Variants in TPR observed in about 807,000 individuals in gnomAD.
The protein encoded by TPR is translocated promoter region, nuclear basket protein.
TPR carries 51 observed loss-of-function variants against 316.1 expected under a neutral mutation model. The observed-to-expected ratio is 0.16, with a 90% CI of 0.13 to 0.20. The LOEUF (loss-of-function observed/expected upper bound fraction) is 0.20. Ranked by LOEUF, TPR falls within the 10% of genes least tolerant of loss-of-function variation. The probability of loss-of-function intolerance (pLI) is 1.00; values close to 1 mark genes in which losing one functional copy is unlikely to be tolerated. For missense variants in TPR, 2,272 were observed against 2,754.8 expected (o/e 0.82, Z 3.92); for synonymous variants, 981 against 914.7 (o/e 1.07, Z -1.31).
chr1:186,353,775 G>A lies in TPR; in HGVS notation c.2247C>T (p.Leu749=), dbSNP rs1658943801. 6.2e-6 allele frequency: 10 copies of A among 1,614,052 alleles called. No homozygotes were observed. The highest frequency in any genetic ancestry group is 8.5e-6 in the Non-Finnish European group (10 of 1,179,996). The change falls in exon 18 of 51, where the codon CTC becomes CTT. Residue 749 remains leucine, a synonymous_variant. Transcript: ENST00000367478. ...GTTCTTGCTTTTGAGTTGTGGCAGT[G>A]AGTTTCTGATTTCTCTCATGAAGTG... ...ITSLHERNQK[L]TATTQKQEQI...
rs1226044124 is a variant in TPR, at chr1:186,338,063, T to C, written c.4332A>G (p.Gln1444=). The change falls in exon 31 of 51, where the codon CAA becomes CAG. Residue 1444 remains glutamine, a synonymous_variant. Transcript: ENST00000367478. ...VKKIGRRYKT[Q]YEELKAQQDK... is the part of the protein sequence containing the mutation. ...CCTGTTGTGCTTTAAGTTCTTCATA[T>C]TGAGTCTTGTACCTACGTCCAATTT... 3.1e-6 allele frequency: 5 copies of C among 1,609,836 alleles called. No individual in the cohort carries two copies. The highest frequency in any genetic ancestry group is 2.2e-5 in the East Asian group (1 of 44,698).
chr1:186,348,102 CTGTT>C (rs1435235041), intron 21 of TPR, among the ~76,000 whole-genome samples: 6 of 152,226 alleles, frequency 3.9e-5, no homozygotes, highest in South Asian at 2.1e-4. Flanking sequence ...TAAGGTCTGA[CTGTT>C]TGTGGGGTTG....
chr1:186,338,302 A>C, intron 30 of TPR, 59 bp from the exon 31 acceptor site: 1 of 1,407,006 alleles, frequency 7.1e-7, no homozygotes, highest in Non-Finnish European at 9.7e-7. Flanking sequence ...TCAAAGTTTG[A>C]AGTCCAATGT....
At chr1:186,349,928 C>G (rs570502343) in intron 21 of TPR, among the ~76,000 whole-genome samples, 1 of 152,242 alleles carries the variant, frequency 6.6e-6, no homozygotes, top group South Asian at 2.1e-4. Context: ...AAATAACCCT[C>G]TTCAGAAAGA....
In TPR at chr1:186,332,555, T is replaced by C. The variant is rs142750583; in HGVS notation, c.5456-212A>G. On this transcript the variant is annotated intron_variant, in intron 37 of 50. Transcript: ENST00000367478. ...TGGGTAAACAAAGAGCAACTTATGC[T>C]CTGAGTCAATGTTTTTATACCAACC... 2.0e-5 allele frequency among the ~76,000 whole-genome samples: 3 copies of C among 152,162 alleles called. No individual in the cohort carries two copies. In the East Asian group the frequency reaches 5.8e-4, roughly 29 times the overall value.
chr1:186,334,497 C>T lies in TPR; in HGVS notation c.5010G>A (p.Lys1670=), dbSNP rs1370995176. 7 of 1,613,442 alleles carry T rather than the reference C, an allele frequency of 4.3e-6. No homozygotes were observed. The highest frequency in any genetic ancestry group is 1.1e-5 in the South Asian group (1 of 91,062). The part of the protein sequence containing the change: ...STSDPPTANI[K]PTPVVSTPSK... Reference sequence around the variant, plus strand: ...TTGGAGTAGACACAACAGGAGTTGGCTTGATATTGGCTGTTGGTGGGTCTG... The same window carrying T: ...TTGGAGTAGACACAACAGGAGTTGGTTTGATATTGGCTGTTGGTGGGTCTG... The change falls in exon 36 of 51, where the codon AAG becomes AAA. Residue 1670 remains lysine, a synonymous_variant. Transcript: ENST00000367478.
At chr1:186,335,170 A>G (rs762353060) in intron 34 of TPR, 41 bp from the exon 35 acceptor site, 1 of 1,580,788 alleles carries the variant, frequency 6.3e-7, no homozygotes, top group Admixed American at 1.9e-5. Context: ...CTAGCCCACA[A>G]GAGTCCACTA....
chr1:186,323,899 A>G, intron 42 of TPR, 29 bp from the exon 43 acceptor site: 1 of 1,516,992 alleles, frequency 6.6e-7, no homozygotes, highest in Non-Finnish European at 8.7e-7. Context: ...TTACTTTTGA[A>G]CTGCTAAATT....
intron 27 of TPR, chr1:186,342,316 CTT>C (rs1455194515): frequency 9.0e-6 from 1 of 110,718 alleles, no homozygotes; most frequent in Admixed American, 9.0e-5. Flanking sequence ...TGTTGACTCT[CTT>C]CTTCCTGTAT....
intron 17 of TPR, among the ~76,000 whole-genome samples, chr1:186,354,504 A>C (rs1262956625): frequency 6.6e-6 from 1 of 152,196 alleles, no homozygotes; most frequent in Non-Finnish European, 1.5e-5. Context: ...CAGAGAAAAA[A>C]GAAGTGCTTT....
In TPR at chr1:186,341,395, C is replaced by T; in HGVS notation, c.3751-6G>A. ...GCCATTGTTTTTGCAGTTACCTAAA[C>T]ATTTCAAATAAATATACATACCAAC... is the stretch of plus-strand genomic sequence containing the variant. On this transcript the variant is annotated splice_polypyrimidine_tract_variant and splice_region_variant and intron_variant, in intron 27 of 50. Transcript: ENST00000367478. 6.2e-7 allele frequency: 1 copy of T among 1,610,540 alleles called. No individual in the cohort carries two copies. The highest frequency in any genetic ancestry group is 8.5e-7 in the Non-Finnish European group (1 of 1,179,450).
intron 18 of TPR, 119 bp downstream of exon 18, chr1:186,353,569 T>C (rs2101977519): frequency 1.8e-6 from 2 of 1,108,148 alleles, no homozygotes; most frequent in South Asian, 3.1e-5. Context: ...AATTACTTGG[T>C]GTAACCTCCA....
intron 39 of TPR, among the ~76,000 whole-genome samples, chr1:186,328,566 C>A (rs1249657482): frequency 6.6e-6 from 1 of 151,924 alleles, no homozygotes; most frequent in Non-Finnish European, 1.5e-5. Context: ...AAAAAAAATA[C>A]TCATGGGTCT....
At position 186,367,919 on chromosome 1, in the gene TPR, C is replaced by T; in HGVS notation, c.394G>A (p.Glu132Lys). 3.7e-6 allele frequency: 6 copies of T among 1,611,442 alleles called. No homozygotes were observed. In the Admixed American group the frequency reaches 6.7e-5, roughly 18 times the overall value. The stretch of plus-strand genomic sequence containing the variant: ...TATTCAAGTTCTTGAGATAGTCTCT[C>T]ATTGGTTCTAATTAAGTCTCTTTTC... Reference protein sequence around the residue: ...AEKRDLIRTNERLSQELEYLT... With the variant: ...AEKRDLIRTNKRLSQELEYLT... Residue 132 changes from glutamate (E) to lysine (K), a missense_variant, in exon 4 of 51, where the codon GAG becomes AAG. Coordinates refer to ENST00000367478, the MANE Select transcript of TPR (RefSeq NM_003292.3).
rs773581625 is a variant in TPR at position 186,341,011 on chromosome 1, G to A, written c.4020+17C>T. Reference sequence around the variant, plus strand: ...ACACGTGTTTCCATGTTTTGGAAGAGTTTTAACTGCATTTACCTGGTTACG... The same window carrying A: ...ACACGTGTTTCCATGTTTTGGAAGAATTTTAACTGCATTTACCTGGTTACG... On this transcript the variant is annotated intron_variant, in intron 29 of 50. Transcript: ENST00000367478. 3.1e-6 allele frequency: 5 copies of A among 1,606,134 alleles called. No individual in the cohort carries two copies. Among genetic ancestry groups the A allele is most frequent in the Admixed American group, 3.5e-5 (2 of 57,854 alleles).
chr1:186,334,299 C>T (rs1355656918), intron 36 of TPR, 26 bp downstream of exon 36: 1 of 1,584,364 alleles, frequency 6.3e-7, no homozygotes, highest in Admixed American at 1.7e-5. Context: ...TAAGCAGTCT[C>T]ATCAGATCTG....
chr1:186,355,822 T>A (rs966750939), intron 15 of TPR, 54 bp from the exon 16 acceptor site: 2 of 1,591,434 alleles, frequency 1.3e-6, no homozygotes, highest in South Asian at 1.1e-5. Context: ...TAAATCAGCT[T>A]TAATCTAATG....
At position 186,371,090 on chromosome 1, in the gene TPR, T is replaced by C. The variant is rs570341822; in HGVS notation, c.257-47A>G. Reference sequence around the variant, plus strand: ...AATACATACACATTTGCTTAAAACTTGCAATGAGTGTTTTTATGCAACTGC... The same window carrying C: ...AATACATACACATTTGCTTAAAACTCGCAATGAGTGTTTTTATGCAACTGC... On this transcript the variant is annotated intron_variant, in intron 2 of 50. Coordinates refer to ENST00000367478, the MANE Select transcript of TPR (RefSeq NM_003292.3). The C allele has an allele frequency of 3.4e-6, 5 of 1,460,292 alleles. No homozygotes were observed. In the South Asian group the frequency reaches 5.8e-5, roughly 17 times the overall value. 90.5% of individuals were successfully genotyped at this position (1,460,292 alleles called of 1,614,324 possible). A position where few individuals can be genotyped will look rare whatever the true frequency, so the allele number is the denominator to read the frequency against.
chr1:186,325,960 C>A, intron 41 of TPR, 106 bp from the exon 42 acceptor site: 1 of 1,550,432 alleles, frequency 6.4e-7, no homozygotes, highest in Middle Eastern at 1.7e-4. Flanking sequence ...AAATAAGTAA[C>A]CATAACAACA....
Sources: allele counts gnomAD v4.1 joint callset (sites outside exome capture counted in the v4.1 genomes callset), GRCh38; gene constraint gnomAD v4.1.1; transcripts MANE v1.5; gene names NCBI Gene and HGNC (gene_info 2026-07-23, HGNC 2026-07-21).